Variants in LRP1B observed in about 807,000 individuals in gnomAD.
LRP1B encodes the protein low-density lipoprotein receptor-related protein 1B.
In LRP1B, 217 loss-of-function variants were observed where a neutral mutation model predicts 556.6. That is an observed-to-expected ratio of 0.39 (90% CI 0.35 to 0.44). LRP1B has a LOEUF of 0.44. Among genes scored for constraint, LRP1B ranks in the 20% least tolerant of loss-of-function variants. The probability of loss-of-function intolerance (pLI) is 1.00; values close to 1 mark genes in which losing one functional copy is unlikely to be tolerated. For synonymous variants in LRP1B, 2,047 were observed against 1,865.8 expected, an observed-to-expected ratio of 1.10 and a Z score of -2.50; for missense variants, 5,053 against 5,620.8, an observed-to-expected ratio of 0.90 and a Z score of 3.23.
chr2:141,706,156 T>G (rs146829273), intron 2 of LRP1B, among the ~76,000 whole-genome samples: 1 of 152,024 alleles, frequency 6.6e-6, no homozygotes, highest in Admixed American at 6.6e-5. Context: ...TTCCCTCCAA[T>G]GCAATCTTTT....
intron 1 of LRP1B, among the ~76,000 whole-genome samples, chr2:142,053,208 T>A (rs1023017559): frequency 2.0e-5 from 3 of 152,180 alleles, no homozygotes; most frequent in Non-Finnish European, 4.4e-5. Flanking sequence ...GATATTTATT[T>A]AGCTAAACTG....
At chr2:141,001,776 G>A (rs1697432756) in intron 15 of LRP1B, among the ~76,000 whole-genome samples, 1 of 152,158 alleles carries the variant, frequency 6.6e-6, no homozygotes, top group South Asian at 2.1e-4. Context: ...TACTCTGTGT[G>A]TGCGTGTGCG....
intron 2 of LRP1B, among the ~76,000 whole-genome samples, chr2:141,544,578 G>A (rs1263520734): frequency 6.6e-6 from 1 of 151,702 alleles, no homozygotes; most frequent in Non-Finnish European, 1.5e-5. Flanking sequence ...GCTGCATGCA[G>A]AGAGAAGTTT....
intron 1 of LRP1B, among the ~76,000 whole-genome samples, chr2:141,959,328 G>A (rs111403527): frequency 7.9e-5 from 12 of 152,056 alleles, no homozygotes; most frequent in African/African-American, 2.6e-4. Context: ...AGGACTTTGA[G>A]TAATTGATAG....
At chr2:141,710,903 C>T (rs17801458) in intron 2 of LRP1B, among the ~76,000 whole-genome samples, 8,644 of 152,172 alleles carry the variant, frequency 0.057, 306 homozygotes, top group South Asian at 0.11. Context: ...AAAGTATCAT[C>T]GAAGTTAGAA....
At chr2:140,807,920 C>T (rs778928299) in intron 32 of LRP1B, among the ~76,000 whole-genome samples, 8 of 151,890 alleles carry the variant, frequency 5.3e-5, no homozygotes, top group African/African-American at 1.2e-4. Context: ...GGTGAAACCC[C>T]GTCTCTACTG....
chr2:141,625,838 A>C (rs1016573294), intron 2 of LRP1B, among the ~76,000 whole-genome samples: 5 of 152,150 alleles, frequency 3.3e-5, no homozygotes, highest in Non-Finnish European at 5.9e-5. Context: ...GGAACCTATA[A>C]GATTAAAACT....
At position 141,027,593 on chromosome 2, in the gene LRP1B, G is replaced by T. The variant is rs57639568; in HGVS notation, c.1790-7491C>A. On this transcript the variant is annotated intron_variant, in intron 11 of 90. Coordinates refer to ENST00000389484, the MANE Select transcript of LRP1B (RefSeq NM_018557.3). The stretch of plus-strand genomic sequence containing the variant: ...CATTATGAAAAAACGGCTGATATTT[G>T]AATAAAGTCTTTGATTAACAATATT... Among the ~76,000 whole-genome samples the T allele has an allele frequency of 1.6e-4, 24 of 152,008 alleles. No homozygotes were observed. In the East Asian group the frequency reaches 4.7e-3, roughly 30 times the overall value.
At chr2:141,085,174 G>T (rs926439010) in intron 7 of LRP1B, among the ~76,000 whole-genome samples, 1 of 151,764 alleles carries the variant, frequency 6.6e-6, no homozygotes, top group Admixed American at 6.6e-5. Context: ...CTGTGTTTGT[G>T]TTTATTATAC....
At chr2:141,667,559 G>C (rs929919961) in intron 2 of LRP1B, among the ~76,000 whole-genome samples, 1 of 152,172 alleles carries the variant, frequency 6.6e-6, no homozygotes. Flanking sequence ...AACATTGCTT[G>C]TGGTAACTGG....
In LRP1B at chr2:141,153,318, CTATA is replaced by C. The variant is rs954740664; in HGVS notation, c.1013+35099_1013+35102del. 8.3e-5 allele frequency among the ~76,000 whole-genome samples: 9 copies of C among 108,578 alleles called. 1 individual carries two copies. The South Asian group carries it at 1.9e-3, about 23-fold the overall frequency. The allele number at this position is 108,578 out of a possible 152,430, so 71.2% of individuals were successfully genotyped here. A position where few individuals can be genotyped will look rare whatever the true frequency, so the allele number is the denominator to read the frequency against. Reference sequence around the variant, plus strand: ...ATATATAATATATTATATATATTAGCTATATATATTTATATAATAATATATTATA... The same window carrying C: ...ATATATAATATATTATATATATTAGCTATATTTATATAATAATATATTATA... On this transcript the variant is annotated intron_variant, in intron 7 of 90. Transcript: ENST00000389484.
chr2:141,260,929 G>T (rs1327821494), intron 3 of LRP1B, among the ~76,000 whole-genome samples: 1 of 151,916 alleles, frequency 6.6e-6, no homozygotes. Context: ...GTGCAAAAAT[G>T]CCTTTTATCC....
intron 77 of LRP1B, among the ~76,000 whole-genome samples, chr2:140,348,988 G>A (rs1243514024): frequency 6.6e-6 from 1 of 152,110 alleles, no homozygotes; most frequent in South Asian, 2.1e-4. Flanking sequence ...TAGATTCCTC[G>A]CATCCACATT....
chr2:141,658,597 C>G (rs1690100600), intron 2 of LRP1B, among the ~76,000 whole-genome samples: 1 of 152,304 alleles, frequency 6.6e-6, no homozygotes, highest in East Asian at 1.9e-4. Flanking sequence ...AGCTATACAA[C>G]TCCCGCTGCA....
intron 31 of LRP1B, among the ~76,000 whole-genome samples, chr2:140,814,232 C>T (rs149444323): frequency 2.3e-3 from 349 of 152,190 alleles, no homozygotes; most frequent in African/African-American, 8.0e-3. Context: ...GTCACCTTGG[C>T]CTCCCAAACT....
chr2:140,830,187 T>A (rs1691666030), intron 31 of LRP1B, among the ~76,000 whole-genome samples: 1 of 152,000 alleles, frequency 6.6e-6, no homozygotes, highest in Non-Finnish European at 1.5e-5. Context: ...CACATTTAAA[T>A]AAGAACTAAT....
At chr2:141,977,746 C>A (rs1701926486) in intron 1 of LRP1B, among the ~76,000 whole-genome samples, 1 of 151,846 alleles carries the variant, frequency 6.6e-6, no homozygotes. Flanking sequence ...TGAATGCTGA[C>A]AAGAAAAACA....
At chr2:142,117,217 C>CATTA (rs1707303416) in intron 1 of LRP1B, among the ~76,000 whole-genome samples, 5 of 152,214 alleles carry the variant, frequency 3.3e-5, no homozygotes, top group Non-Finnish European at 7.4e-5. Flanking sequence ...CATGTTAAGT[C>CATTA]ACAATTGGGT....
At chr2:140,923,615 A>G (rs1484958622) in intron 20 of LRP1B, among the ~76,000 whole-genome samples, 1 of 152,094 alleles carries the variant, frequency 6.6e-6, no homozygotes, top group Admixed American at 6.6e-5. Context: ...AAAAACTAGT[A>G]AGTACTTTCT....
Sources: gnomAD v4.1 joint callset for allele counts (sites outside exome capture counted in the v4.1 genomes callset) on GRCh38, gnomAD v4.1.1 for gene constraint, MANE v1.5 for transcripts, NCBI Gene and HGNC (gene_info 2026-07-23, HGNC 2026-07-21) for gene names.